TSNAX: variants seen among roughly 807,000 people sequenced by gnomAD.
TSNAX encodes translin-associated protein X.
Under a neutral mutation model 33.0 loss-of-function variants are expected in TSNAX, and 12 were observed. The observed-to-expected ratio is 0.36, with a 90% confidence interval of 0.23 to 0.59. The LOEUF (loss-of-function observed/expected upper bound fraction) is 0.59. Among genes scored for constraint, TSNAX ranks in the 20% least tolerant of loss-of-function variants. The pLI is 0.74. For missense variants in TSNAX, 267 were observed against 341.3 expected (o/e 0.78, Z 1.72); for synonymous variants, 110 against 117.2 (o/e 0.94, Z 0.40).
chr1:231,540,345 C>T (rs1659495408), intron 3 of TSNAX, among the ~76,000 whole-genome samples: 1 of 152,064 alleles, frequency 6.6e-6, no homozygotes, highest in African/African-American at 2.4e-5. Flanking sequence ...AAGGAATTTG[C>T]CATTTCCTCT....
At chr1:231,560,585 T>A (rs1023022278) in intron 4 of TSNAX, among the ~76,000 whole-genome samples, 5 of 151,416 alleles carry the variant, frequency 3.3e-5, no homozygotes, top group Admixed American at 3.3e-4. Flanking sequence ...CGGCTAATAT[T>A]TTTTGTATTT....
rs1430943647 is a variant in TSNAX at position 231,565,502 on chromosome 1, GA to G, written c.*598del. ...GCACTTTGGGAGGCCGAGGTAGGCAGATCACGAGGTCAAGAGATCAAGACCA... is the reference window on the plus strand; with the variant it reads ...GCACTTTGGGAGGCCGAGGTAGGCAGTCACGAGGTCAAGAGATCAAGACCA... On this transcript the variant is annotated 3_prime_UTR_variant, in exon 6 of 6. Transcript: ENST00000366639. 6.6e-6 allele frequency: 1 copy of G among 152,480 alleles called. No individual in the cohort carries two copies. The highest frequency in any genetic ancestry group is 2.4e-5 in the African/African-American group (1 of 41,460). The allele number at this position is 152,480 out of a possible 1,614,324, so 9.4% of individuals were successfully genotyped here.
chr1:231,549,572 T>G (rs1194900148), intron 4 of TSNAX, among the ~76,000 whole-genome samples: 3 of 152,218 alleles, frequency 2.0e-5, no homozygotes, highest in Non-Finnish European at 4.4e-5. Flanking sequence ...TAGGAATGAA[T>G]GAGGCAGAAA....
At chr1:231,531,962 C>G (rs1243563733) in intron 2 of TSNAX, among the ~76,000 whole-genome samples, 1 of 151,706 alleles carries the variant, frequency 6.6e-6, no homozygotes, top group East Asian at 1.9e-4. Context: ...CCTGGCTACT[C>G]CGGAGGGGCT....
intron 2 of TSNAX, among the ~76,000 whole-genome samples, chr1:231,530,838 A>AG (rs1658653211): frequency 6.6e-6 from 1 of 151,828 alleles, no homozygotes; most frequent in Admixed American, 6.6e-5. Flanking sequence ...CAGTGAGCCG[A>AG]GATCGCGCCT....
At chr1:231,563,226 C>T (rs751235212) in intron 5 of TSNAX, among the ~76,000 whole-genome samples, 2 of 152,208 alleles carry the variant, frequency 1.3e-5, no homozygotes, top group African/African-American at 4.8e-5. Context: ...GTAACTGCAA[C>T]TTCACCTACC....
intron 4 of TSNAX, among the ~76,000 whole-genome samples, chr1:231,560,271 G>A (rs1250658469): frequency 6.6e-6 from 1 of 151,870 alleles, no homozygotes; most frequent in Non-Finnish European, 1.5e-5. Context: ...GAGCCATCGT[G>A]AACGGCCCAA....
At chr1:231,553,682 C>CTTTT (rs5781656) in intron 4 of TSNAX, among the ~76,000 whole-genome samples, 1 of 133,756 alleles carries the variant, frequency 7.5e-6, no homozygotes, top group Non-Finnish European at 1.6e-5. Context: ...TCTTTCTTTC[C>CTTTT]TTTTTTTTTT....
At chr1:231,554,626 G>T (rs929410665) in intron 4 of TSNAX, 4 of 152,192 alleles carry the variant, frequency 2.6e-5, no homozygotes, top group Admixed American at 1.3e-4. Flanking sequence ...TGTAGGTAGA[G>T]AAAGATGTGA....
intron 4 of TSNAX, among the ~76,000 whole-genome samples, chr1:231,559,985 ATT>A (rs1220762707): frequency 1.4e-5 from 2 of 142,330 alleles, no homozygotes; most frequent in African/African-American, 2.6e-5. Context: ...TATTATTATT[ATT>A]TTTTTTTTTT....
At chr1:231,560,877 C>T (rs1259034309) in intron 4 of TSNAX, among the ~76,000 whole-genome samples, 1 of 152,124 alleles carries the variant, frequency 6.6e-6, no homozygotes, top group Non-Finnish European at 1.5e-5. Flanking sequence ...CCAGGCTGGT[C>T]TCCATCTCCT....
chr1:231,550,079 G>A (rs1167395448), intron 4 of TSNAX, among the ~76,000 whole-genome samples: 3 of 152,166 alleles, frequency 2.0e-5, no homozygotes, highest in Non-Finnish European at 4.4e-5. Context: ...TATGTCACCA[G>A]TCATATTCGA....
intron 2 of TSNAX, among the ~76,000 whole-genome samples, chr1:231,533,074 T>C (rs886119098): frequency 1.3e-5 from 2 of 151,618 alleles, no homozygotes; most frequent in African/African-American, 4.8e-5. Flanking sequence ...AAGTCTTTTT[T>C]TTTTTTTTTT....
At chr1:231,553,997 A>G (rs1174265854) in intron 4 of TSNAX, among the ~76,000 whole-genome samples, 1 of 152,112 alleles carries the variant, frequency 6.6e-6, no homozygotes, top group Non-Finnish European at 1.5e-5. Flanking sequence ...ATGAAATCTA[A>G]TTTCTATGGA....
intron 5 of TSNAX, 147 bp downstream of exon 5, chr1:231,561,402 C>G (rs527532581): frequency 7.5e-6 from 5 of 664,072 alleles, no homozygotes; most frequent in Admixed American, 3.7e-5. Flanking sequence ...AGGAAATGGT[C>G]TTTTTAAATA....
chr1:231,530,071 G>T (rs1658570317), intron 2 of TSNAX, among the ~76,000 whole-genome samples: 1 of 152,216 alleles, frequency 6.6e-6, no homozygotes, highest in Non-Finnish European at 1.5e-5. Context: ...CTGTCCACAT[G>T]AACTTCTTGT....
At chr1:231,551,676 C>A (rs1165079091) in intron 4 of TSNAX, among the ~76,000 whole-genome samples, 1 of 151,562 alleles carries the variant, frequency 6.6e-6, no homozygotes, top group East Asian at 1.9e-4. Flanking sequence ...GATGTAAAAA[C>A]CCTGCCTAGG....
At chr1:231,541,122 C>G (rs192770936) in intron 3 of TSNAX, among the ~76,000 whole-genome samples, 79 of 152,214 alleles carry the variant, frequency 5.2e-4, no homozygotes, top group African/African-American at 1.8e-3. Flanking sequence ...ATTAAATCTA[C>G]CATCTATTCT....
chr1:231,537,186 AT>A (rs1659239223), intron 2 of TSNAX, 26 bp from the exon 3 acceptor site: 1 of 1,514,214 alleles, frequency 6.6e-7, no homozygotes, highest in Non-Finnish European at 9.1e-7. Flanking sequence ...TAGAATATAC[AT>A]GCTTATGATC....
Sources: allele counts gnomAD v4.1 joint callset (sites outside exome capture counted in the v4.1 genomes callset), GRCh38; gene constraint gnomAD v4.1.1; transcripts MANE v1.5; gene names NCBI Gene and HGNC (gene_info 2026-07-23, HGNC 2026-07-21).